The following SLCO3A1 variants were observed in gnomAD, a reference collection of about 807,000 sequenced individuals.
SLCO3A1 encodes PGE1 transporter.
In SLCO3A1, 27 loss-of-function variants were observed where a neutral mutation model predicts 63.1. That is an observed-to-expected ratio of 0.43 (90% confidence interval 0.32 to 0.59). The LOEUF (loss-of-function observed/expected upper bound fraction) is 0.59. Among genes scored for constraint, SLCO3A1 ranks in the 20% least tolerant of loss-of-function variants. The pLI, the probability that SLCO3A1 is intolerant of heterozygous loss-of-function variation, is 0.09. For synonymous variants in SLCO3A1, 473 were observed against 409.9 expected (o/e 1.15, Z -1.86); for missense variants, 773 against 945.8 (o/e 0.82, Z 2.40).
intron 2 of SLCO3A1, among the ~76,000 whole-genome samples, chr15:91,989,272 C>T (rs985845387): frequency 6.6e-6 from 1 of 152,118 alleles, no homozygotes; most frequent in Non-Finnish European, 1.5e-5. Context: ...CTTTCTGTAC[C>T]TTATATGGAC....
rs75455381 is a variant in SLCO3A1, at chr15:92,122,128, G to A, written c.1174+1499G>A. 2.7e-3 allele frequency among the ~76,000 whole-genome samples: 409 copies of A among 152,184 alleles called. 4 individuals carry two copies. Among genetic ancestry groups the A allele is most frequent in the African/African-American group, 9.5e-3 (395 of 41,506 alleles). On this transcript the variant is annotated intron_variant, in intron 5 of 9. Coordinates refer to ENST00000318445, the MANE Select transcript of SLCO3A1 (RefSeq NM_013272.4). Reference sequence around the variant, plus strand: ...AGCAGGTTTCTCAGTGGAGGGAAAGGAGCCCACAGCTGGGGATTTGCAGCA... The same window carrying A: ...AGCAGGTTTCTCAGTGGAGGGAAAGAAGCCCACAGCTGGGGATTTGCAGCA...
intron 2 of SLCO3A1, among the ~76,000 whole-genome samples, chr15:92,035,086 GT>G (rs1251233368): frequency 6.6e-6 from 1 of 151,858 alleles, no homozygotes; most frequent in Non-Finnish European, 1.5e-5. Flanking sequence ...AGGTACATGG[GT>G]TTTTGAACTG....
intron 8 of SLCO3A1, among the ~76,000 whole-genome samples, chr15:92,147,453 C>G (rs545165716): frequency 2.0e-5 from 3 of 152,110 alleles, no homozygotes; most frequent in Non-Finnish European, 2.9e-5. Flanking sequence ...AGGACGCAGC[C>G]TCGTTGGAGG....
At chr15:92,095,474 G>A (rs2047527324) in intron 3 of SLCO3A1, among the ~76,000 whole-genome samples, 1 of 152,214 alleles carries the variant, frequency 6.6e-6, no homozygotes, top group African/African-American at 2.4e-5. Context: ...AGACACTGTT[G>A]TGGTGGCCTT....
intron 2 of SLCO3A1, among the ~76,000 whole-genome samples, chr15:92,066,075 A>G (rs1261286938): frequency 6.6e-6 from 1 of 152,236 alleles, no homozygotes; most frequent in Non-Finnish European, 1.5e-5. Context: ...CCTTCCTGTG[A>G]GAGTCTCCAG....
downstream of SLCO3A1, among the ~76,000 whole-genome samples, chr15:92,167,557 C>G (rs2048500160): frequency 6.6e-6 from 1 of 152,220 alleles, no homozygotes; most frequent in South Asian, 2.1e-4. Flanking sequence ...GAACGTAATC[C>G]CTTACAGTAA....
chr15:92,108,573 T>G (rs1385163116), intron 4 of SLCO3A1, among the ~76,000 whole-genome samples: 1 of 152,166 alleles, frequency 6.6e-6, no homozygotes, highest in Admixed American at 6.5e-5. Context: ...CATCAGATAG[T>G]GTATTAAATA....
intron 2 of SLCO3A1, among the ~76,000 whole-genome samples, chr15:91,977,106 G>A (rs2151433526): frequency 6.6e-6 from 1 of 152,260 alleles, no homozygotes; most frequent in East Asian, 1.9e-4. Flanking sequence ...GTACCACAGT[G>A]TCACTAGTGG....
rs1596103642 is a variant in SLCO3A1, at chr15:92,102,975, C to T, written c.746-1304C>T. 3.3e-5 allele frequency among the ~76,000 whole-genome samples: 5 copies of T among 152,286 alleles called. 1 individual carries two copies. Among genetic ancestry groups the T allele is most frequent in the Admixed American group, 3.3e-4 (5 of 15,300 alleles). On this transcript the variant is annotated intron_variant, in intron 3 of 9. Coordinates refer to ENST00000318445, the MANE Select transcript of SLCO3A1 (RefSeq NM_013272.4). ...AGAAAACAGATAATAAAAGTCCTGC[C>T]TTGTAGAGTTATGGGGAAGGTTGGC...
At position 91,886,295 on chromosome 15, in the gene SLCO3A1, T is replaced by G. The variant is rs1897722577; in HGVS notation, c.181-29698T>G. On this transcript the variant is annotated intron_variant, in intron 1 of 9. Transcript: ENST00000318445. The surrounding 1 kb of genome is among the most constrained non-coding windows in gnomAD (Gnocchi z 4.9). ...CCAGCTAACTCTTACTAATTAGAAA[T>G]TGACAACAGCGCTTGTCTCTCATGC... Among the ~76,000 whole-genome samples the G allele has an allele frequency of 6.6e-6, 1 of 152,208 alleles. No homozygotes were observed. The highest frequency in any genetic ancestry group is 1.5e-5 in the Non-Finnish European group (1 of 68,046).
intron 1 of SLCO3A1, among the ~76,000 whole-genome samples, chr15:91,878,543 G>A (rs1167950201): frequency 6.6e-6 from 1 of 152,184 alleles, no homozygotes; most frequent in Non-Finnish European, 1.5e-5. Context: ...ACTAGATGAT[G>A]GGACACTTGA....
At chr15:92,017,729 G>T (rs913399308) in intron 2 of SLCO3A1, among the ~76,000 whole-genome samples, 2 of 152,152 alleles carry the variant, frequency 1.3e-5, no homozygotes, top group African/African-American at 4.8e-5. Flanking sequence ...AGTTCACAGG[G>T]ATGAGCGAAA....
chr15:92,060,999 A>T (rs973516675), intron 2 of SLCO3A1, among the ~76,000 whole-genome samples: 1 of 152,154 alleles, frequency 6.6e-6, no homozygotes, highest in Non-Finnish European at 1.5e-5. Flanking sequence ...TGACTGAAAC[A>T]TTTGTTACAC....
intron 1 of SLCO3A1, among the ~76,000 whole-genome samples, chr15:91,896,170 T>G (rs1480966288): frequency 6.6e-6 from 1 of 152,182 alleles, no homozygotes; most frequent in Non-Finnish European, 1.5e-5. Context: ...ATAATATGGT[T>G]GTAGAATTAA....
At chr15:92,045,279 C>CAA (rs11400205) in intron 2 of SLCO3A1, among the ~76,000 whole-genome samples, 9,168 of 129,306 alleles carry the variant, frequency 0.071, 408 homozygotes, top group African/African-American at 0.11. Context: ...GACTCCATCT[C>CAA]AAAAAAAAAA....
chr15:92,170,716 T>C (rs372065527), downstream of SLCO3A1, among the ~76,000 whole-genome samples: 4 of 152,214 alleles, frequency 2.6e-5, no homozygotes, highest in East Asian at 5.8e-4. Context: ...TCTGCAAAGT[T>C]TTGCCTATGG....
At chr15:92,098,648 T>G (rs920803305) in intron 3 of SLCO3A1, among the ~76,000 whole-genome samples, 2 of 152,208 alleles carry the variant, frequency 1.3e-5, no homozygotes. Flanking sequence ...ATACATAGAT[T>G]GCCTCATTGG....
chr15:92,154,689 G>T (rs1256358763), intron 9 of SLCO3A1, among the ~76,000 whole-genome samples: 1 of 152,008 alleles, frequency 6.6e-6, no homozygotes, highest in Non-Finnish European at 1.5e-5. Context: ...GCAAGGAGTT[G>T]GTAGAAAGGG....
At chr15:91,898,887 A>G (rs915444687) in intron 1 of SLCO3A1, among the ~76,000 whole-genome samples, 15 of 152,234 alleles carry the variant, frequency 9.9e-5, no homozygotes, top group African/African-American at 3.6e-4. Context: ...GAGAGGTTAA[A>G]AAACTGCTGC....
Sources: gnomAD v4.1 joint callset for allele counts (sites outside exome capture counted in the v4.1 genomes callset) on GRCh38, gnomAD v4.1.1 for gene constraint, Gnocchi (gnomAD v3.1) non-coding constraint, MANE v1.5 for transcripts, NCBI Gene and HGNC (gene_info 2026-07-23, HGNC 2026-07-21) for gene names.